The following SOX6 variants were observed in gnomAD, a reference collection of about 807,000 sequenced individuals.
SOX6 encodes the protein SRY-box transcription factor 6.
Under a neutral mutation model 97.8 loss-of-function variants are expected in SOX6, and 11 were observed. The ratio of observed to expected loss-of-function variants is 0.11; its 90% CI spans 0.07 to 0.19. SOX6 has a LOEUF of 0.19. Among genes scored for constraint, SOX6 ranks in the 10% least tolerant of loss-of-function variants. The pLI is 1.00. For synonymous variants in SOX6, 360 were observed against 371.4 expected (o/e 0.97, Z 0.35); for missense variants, 810 against 1,039.5 (o/e 0.78, Z 3.04).
Position 16,041,713 on chromosome 11 carries a change from C to T in SOX6, c.1623+4801G>A, listed in dbSNP as rs142617561. Reference sequence around the variant, plus strand: ...TTAAATAAGTAGGAACAAAAGCTCCCTAGCACACTAACATAATCAAATTTG... The same window carrying T: ...TTAAATAAGTAGGAACAAAAGCTCCTTAGCACACTAACATAATCAAATTTG... On this transcript the variant is annotated intron_variant, in intron 12 of 15. Coordinates refer to ENST00000683767, the MANE Select transcript of SOX6 (RefSeq NM_001367873.1). 3.6e-4 allele frequency among the ~76,000 whole-genome samples: 55 copies of T among 152,242 alleles called. 1 individual carries two copies. The East Asian group carries it at 9.7e-3, about 27-fold the overall frequency.
intron 2 of SOX6, among the ~76,000 whole-genome samples, chr11:16,321,568 A>G (rs1280367841): frequency 6.6e-6 from 1 of 151,988 alleles, no homozygotes; most frequent in Non-Finnish European, 1.5e-5. Flanking sequence ...TTGTTTACTC[A>G]TGGGAATGTG....
intron 1 of SOX6, among the ~76,000 whole-genome samples, chr11:16,366,049 G>A (rs540309179): frequency 5.9e-5 from 9 of 152,022 alleles, no homozygotes; most frequent in Non-Finnish European, 1.2e-4. Flanking sequence ...ATGCAGTGCC[G>A]AACAAGTGGT....
chr11:16,024,037 G>A (rs1003179717), intron 12 of SOX6, among the ~76,000 whole-genome samples: 1 of 152,116 alleles, frequency 6.6e-6, no homozygotes, highest in African/African-American at 2.4e-5. Context: ...TTAAAGCAGT[G>A]GTTAGGTTAA....
At chr11:16,343,676 A>C (rs1399130175) in intron 1 of SOX6, among the ~76,000 whole-genome samples, 1 of 151,904 alleles carries the variant, frequency 6.6e-6, no homozygotes, top group East Asian at 1.9e-4. Context: ...ATAGAAAATT[A>C]TCTTCAAATG....
At chr11:16,166,273 C>T (rs970601954) in intron 6 of SOX6, among the ~76,000 whole-genome samples, 7 of 152,150 alleles carry the variant, frequency 4.6e-5, no homozygotes, top group African/African-American at 1.7e-4. Context: ...ATTGGATAGA[C>T]TTTACCTCAG....
chr11:16,106,501 A>T (rs1849090757), intron 7 of SOX6, among the ~76,000 whole-genome samples: 1 of 152,060 alleles, frequency 6.6e-6, no homozygotes, highest in African/African-American at 2.4e-5. Context: ...TAGTCTTATC[A>T]ACAAATGTTG....
At chr11:16,586,099 T>A (rs1410792712) in intron 4 of SOX6, among the ~76,000 whole-genome samples, 2 of 152,180 alleles carry the variant, frequency 1.3e-5, no homozygotes, top group African/African-American at 4.8e-5. Context: ...GATTACTAAG[T>A]GCTTAAAAAG....
At chr11:16,447,525 CAGAAAG>C (rs1457821642) in intron 1 of SOX6, among the ~76,000 whole-genome samples, 1 of 151,610 alleles carries the variant, frequency 6.6e-6, no homozygotes, top group African/African-American at 2.4e-5. Context: ...GAGAGAGAAA[CAGAAAG>C]AGAGAGAGAT....
At chr11:16,202,200 G>A (rs1234724213) in intron 4 of SOX6, among the ~76,000 whole-genome samples, 3 of 151,958 alleles carry the variant, frequency 2.0e-5, no homozygotes, top group Non-Finnish European at 4.4e-5. Context: ...ACTCTTATAC[G>A]ATGAAAATAC....
At chr11:16,066,677 T>C (rs1451166728) in intron 9 of SOX6, among the ~76,000 whole-genome samples, 2 of 152,126 alleles carry the variant, frequency 1.3e-5, no homozygotes, top group Non-Finnish European at 2.9e-5. Flanking sequence ...TTCTCACTTA[T>C]TTATGGATCT....
At chr11:16,388,131 G>C (rs1428759307) in intron 1 of SOX6, among the ~76,000 whole-genome samples, 2 of 152,012 alleles carry the variant, frequency 1.3e-5, no homozygotes, top group Non-Finnish European at 2.9e-5. Context: ...TAGATTGCTG[G>C]GAGTTTTTTA....
intron 3 of SOX6, among the ~76,000 whole-genome samples, chr11:16,682,487 C>T (rs927403105): frequency 2.6e-5 from 4 of 152,110 alleles, no homozygotes; most frequent in Non-Finnish European, 5.9e-5. Flanking sequence ...TGACAAAAAC[C>T]ACATGATTAT....
Position 16,271,559 on chromosome 11 carries a change from C to T in SOX6, c.446-36888G>A, listed in dbSNP as rs909670071. On this transcript the variant is annotated intron_variant, in intron 3 of 15. Transcript: ENST00000683767. ...CTCTATGGAAATCAATCTCTTTAGG[C>T]TTTCTATCTTTAACAGAGTCAATTT... Among the ~76,000 whole-genome samples, 17 of 151,370 alleles carry T rather than the reference C, an allele frequency of 1.1e-4. 1 individual carries two copies. In the South Asian group the frequency reaches 3.1e-3, roughly 28 times the overall value.
chr11:16,393,657 C>A (rs754853269), intron 1 of SOX6, among the ~76,000 whole-genome samples: 1 of 151,960 alleles, frequency 6.6e-6, no homozygotes, highest in Admixed American at 6.6e-5. Context: ...ATTTTTGGAA[C>A]CCTAAGATAT....
chr11:16,064,170 C>T (rs953004165), intron 9 of SOX6, among the ~76,000 whole-genome samples: 2 of 151,584 alleles, frequency 1.3e-5, no homozygotes, highest in Non-Finnish European at 3.0e-5. Flanking sequence ...TGGTAGAAAA[C>T]CCCTAAAAAA....
intron 4 of SOX6, among the ~76,000 whole-genome samples, chr11:16,519,682 T>C (rs901796185): frequency 5.9e-5 from 9 of 152,192 alleles, no homozygotes; most frequent in African/African-American, 2.2e-4. Context: ...GGTGTCTTTT[T>C]GATAAAATGA....
intron 3 of SOX6, among the ~76,000 whole-genome samples, chr11:16,633,476 G>A (rs1317648136): frequency 1.3e-5 from 2 of 152,098 alleles, no homozygotes; most frequent in Non-Finnish European, 2.9e-5. Flanking sequence ...CTGACAAAAT[G>A]CAAAAAACAA....
intron 13 of SOX6, among the ~76,000 whole-genome samples, chr11:16,000,323 G>C (rs1267253229): frequency 6.6e-6 from 1 of 152,210 alleles, no homozygotes; most frequent in East Asian, 1.9e-4. Flanking sequence ...CTGAGAAGAA[G>C]AAATGCCAGA....
intron 4 of SOX6, among the ~76,000 whole-genome samples, chr11:16,560,413 A>ATATACGTACATATATGTT (rs1847795404): frequency 7.2e-6 from 1 of 138,460 alleles, no homozygotes; most frequent in African/African-American, 2.7e-5. Flanking sequence ...ATATATACAT[A>ATATACGTACATATATGTT]TATACGTACA....
Sources: allele counts gnomAD v4.1 joint callset (sites outside exome capture counted in the v4.1 genomes callset), GRCh38; gene constraint gnomAD v4.1.1; transcripts MANE v1.5; gene names NCBI Gene and HGNC (gene_info 2026-07-23, HGNC 2026-07-21).